Variants in COL4A1 observed in about 807,000 individuals in gnomAD.
The protein encoded by COL4A1 is collagen alpha-1(IV) chain.
In COL4A1, 40 loss-of-function variants were observed where a neutral mutation model predicts 216.6. That is an observed-to-expected ratio of 0.18 (90% CI 0.14 to 0.24). COL4A1 has a LOEUF of 0.24. COL4A1 is among the 10% of genes least tolerant of loss of function. The pLI is 1.00. For synonymous variants in COL4A1, 839 were observed against 810.7 expected, an observed-to-expected ratio of 1.03 and a Z score of -0.59; for missense variants, 1,628 against 2,196.8, an observed-to-expected ratio of 0.74 and a Z score of 5.18.
At chr13:110,302,093 G>A (rs1371126204) in intron 1 of COL4A1, among the ~76,000 whole-genome samples, 1 of 152,138 alleles carries the variant, frequency 6.6e-6, no homozygotes, top group Non-Finnish European at 1.5e-5. Context: ...TCCCAGCCGT[G>A]GGAAGGGAAA....
chr13:110,304,456 A>G (rs1884607543), intron 1 of COL4A1, among the ~76,000 whole-genome samples: 1 of 152,216 alleles, frequency 6.6e-6, no homozygotes, highest in Non-Finnish European at 1.5e-5. Context: ...AGCATCACAC[A>G]GAACCAGCTA....
At chr13:110,242,363 T>C (rs544097944) in intron 2 of COL4A1, among the ~76,000 whole-genome samples, 2 of 152,338 alleles carry the variant, frequency 1.3e-5, no homozygotes, top group South Asian at 2.1e-4. Flanking sequence ...TTAGTTCTTA[T>C]ACATCAATTC....
chr13:110,182,926 A>C, intron 28 of COL4A1, 67 bp downstream of exon 28: 1 of 1,450,836 alleles, frequency 6.9e-7, no homozygotes, highest in Non-Finnish European at 9.5e-7. Context: ...TTTGATGTCT[A>C]CCACCTCCTC....
At chr13:110,244,848 T>C (rs1369133562) in intron 1 of COL4A1, among the ~76,000 whole-genome samples, 1 of 152,060 alleles carries the variant, frequency 6.6e-6, no homozygotes, top group Non-Finnish European at 1.5e-5. Context: ...TACTAAGAAA[T>C]CAAGAAGGGT....
At chr13:110,173,607 G>C (rs1877744601) in intron 40 of COL4A1, among the ~76,000 whole-genome samples, 1 of 152,168 alleles carries the variant, frequency 6.6e-6, no homozygotes, top group African/African-American at 2.4e-5. Context: ...AAGGGAAATG[G>C]AAAGTGTTCT....
intron 1 of COL4A1, among the ~76,000 whole-genome samples, chr13:110,272,822 TG>T: frequency 6.6e-6 from 1 of 152,304 alleles, no homozygotes; most frequent in East Asian, 1.9e-4. Flanking sequence ...ACCTCTACTA[TG>T]GAAGTATGAT....
intron 1 of COL4A1, among the ~76,000 whole-genome samples, chr13:110,292,683 G>C (rs1884133541): frequency 6.6e-6 from 1 of 152,126 alleles, no homozygotes; most frequent in Non-Finnish European, 1.5e-5. Context: ...AATCTCATGA[G>C]AACTCACTCA....
At chr13:110,171,818 C>G (rs1877655437) in intron 41 of COL4A1, among the ~76,000 whole-genome samples, 1 of 152,234 alleles carries the variant, frequency 6.6e-6, no homozygotes, top group Non-Finnish European at 1.5e-5. Context: ...ACAGCGACCC[C>G]TTGAGCAGGT....
intron 1 of COL4A1, among the ~76,000 whole-genome samples, chr13:110,272,420 CTTCT>C (rs1463459303): frequency 6.6e-6 from 1 of 152,240 alleles, no homozygotes; most frequent in African/African-American, 2.4e-5. Flanking sequence ...AAATTGCACA[CTTCT>C]TTCTAAGAAA....
intron 50 of COL4A1, among the ~76,000 whole-genome samples, chr13:110,153,011 GA>G (rs1383467522): frequency 2.6e-5 from 4 of 152,174 alleles, no homozygotes; most frequent in Middle Eastern, 3.4e-3. Flanking sequence ...AAGAGAAAGA[GA>G]AAAAAATAGC....
At chr13:110,230,924 C>T (rs888755614) in intron 2 of COL4A1, among the ~76,000 whole-genome samples, 1 of 152,224 alleles carries the variant, frequency 6.6e-6, no homozygotes, top group African/African-American at 2.4e-5. Flanking sequence ...AGGGCCTCTA[C>T]ATTCAGATTC....
At chr13:110,260,064 C>T (rs2139275799) in intron 1 of COL4A1, among the ~76,000 whole-genome samples, 1 of 152,262 alleles carries the variant, frequency 6.6e-6, no homozygotes, top group South Asian at 2.1e-4. Context: ...CTATCTCGTG[C>T]CATCTCTGCT....
At chr13:110,209,500 GTTATC>G in intron 10 of COL4A1, 73 bp from the exon 11 acceptor site, 1 of 1,050,910 alleles carries the variant, frequency 9.5e-7, no homozygotes, top group Non-Finnish European at 1.4e-6. Flanking sequence ...TCAGGCTGAC[GTTATC>G]TTAAGATTCT....
At chr13:110,219,662 G>GTGTATA (rs1362503051) in intron 2 of COL4A1, among the ~76,000 whole-genome samples, 10 of 64,504 alleles carry the variant, frequency 1.6e-4, no homozygotes, top group African/African-American at 2.4e-4. Flanking sequence ...ATATATATAT[G>GTGTATA]TATATATATA....
chr13:110,237,478 A>C (rs1881369346), intron 2 of COL4A1, among the ~76,000 whole-genome samples: 1 of 152,162 alleles, frequency 6.6e-6, no homozygotes, highest in Non-Finnish European at 1.5e-5. Flanking sequence ...CGATGTGTAA[A>C]GGCTGGGATG....
chr13:110,181,792 G>GA (rs1566355375), intron 28 of COL4A1, among the ~76,000 whole-genome samples: 1 of 152,252 alleles, frequency 6.6e-6, no homozygotes, highest in Non-Finnish European at 1.5e-5. Context: ...GACCCCAGGG[G>GA]TCTATAAGGC....
At position 110,219,471 on chromosome 13, in the gene COL4A1, G is replaced by A. The variant is rs139234064; in HGVS notation, c.145-5456C>T. Among the ~76,000 whole-genome samples the A allele has an allele frequency of 1.7e-3, 264 of 151,810 alleles. 5 individuals carry two copies. The highest frequency in any genetic ancestry group is 0.014 in the East Asian group (70 of 5,178). On this transcript the variant is annotated intron_variant, in intron 2 of 51. Transcript: ENST00000375820. The stretch of plus-strand genomic sequence containing the variant: ...GGCTGCAAATCTGTATCTTCTTCCC[G>A]AAATTCTCATTTTCTCCCTCCAGCC...
chr13:110,229,901 G>A (rs532693729), intron 2 of COL4A1, among the ~76,000 whole-genome samples: 11 of 152,152 alleles, frequency 7.2e-5, no homozygotes, highest in African/African-American at 2.4e-4. Flanking sequence ...CCCCACTTCC[G>A]ACGTTCACCC....
intron 1 of COL4A1, among the ~76,000 whole-genome samples, chr13:110,282,231 G>C (rs184701372): frequency 6.6e-6 from 1 of 152,310 alleles, no homozygotes; most frequent in Non-Finnish European, 1.5e-5. Flanking sequence ...AATACTAGTG[G>C]AGAAAAGTCC....
Sources: gnomAD v4.1 joint callset for allele counts (sites outside exome capture counted in the v4.1 genomes callset) on GRCh38, gnomAD v4.1.1 for gene constraint, MANE v1.5 for transcripts, NCBI Gene and HGNC (gene_info 2026-07-23, HGNC 2026-07-21) for gene names.